The following MAP3K21 variants were observed in gnomAD, a reference collection of about 807,000 sequenced individuals.
The protein encoded by MAP3K21 is mitogen-activated protein kinase kinase kinase 21.
A neutral mutation model predicts 86.1 loss-of-function variants in MAP3K21; 63 were observed. That is an observed-to-expected ratio of 0.73 (90% confidence interval 0.60 to 0.90). The LOEUF is 0.90. Ranked by LOEUF, MAP3K21 falls within the 40% of genes least tolerant of loss-of-function variation. The pLI is 0.00. For synonymous variants in MAP3K21, 558 were observed against 564.8 expected (o/e 0.99, Z 0.17); for missense variants, 1,220 against 1,367.7 (o/e 0.89, Z 1.70).
rs184683904 is a variant in MAP3K21, at chr1:233,364,804, A to C, written c.1552+2511A>C. On this transcript the variant is annotated intron_variant, in intron 5 of 9. Coordinates refer to ENST00000366624, the MANE Select transcript of MAP3K21 (RefSeq NM_032435.3). ...GATTCCAGTTAAAACATAACCAAGA[A>C]ATCTACTGCTATAATCCTGACCCAT... Among the ~76,000 whole-genome samples, 292 of 152,284 alleles carry C rather than the reference A, an allele frequency of 1.9e-3. 1 individual carries two copies. Among genetic ancestry groups the C allele is most frequent in the Non-Finnish European group, 3.3e-3 (225 of 68,022 alleles).
chr1:233,343,507 A>T (rs896849387), intron 1 of MAP3K21, among the ~76,000 whole-genome samples: 9 of 152,214 alleles, frequency 5.9e-5, no homozygotes, highest in African/African-American at 2.2e-4. Context: ...CTCTATTTAG[A>T]TCAGTTAATA....
intron 9 of MAP3K21, among the ~76,000 whole-genome samples, chr1:233,380,453 T>C (rs1455468644): frequency 6.6e-6 from 1 of 152,096 alleles, no homozygotes; most frequent in Non-Finnish European, 1.5e-5. Flanking sequence ...CAGACCCTAT[T>C]CCACATACAG....
intron 5 of MAP3K21, among the ~76,000 whole-genome samples, chr1:233,367,476 G>A (rs1490020635): frequency 6.6e-6 from 1 of 152,182 alleles, no homozygotes; most frequent in African/African-American, 2.4e-5. Context: ...CAGGCCACAG[G>A]CATTTTAACA....
chr1:233,372,072 C>T lies in MAP3K21; in HGVS notation c.1587C>T (p.Pro529=). 1.2e-6 allele frequency: 2 copies of T among 1,614,078 alleles called. No individual in the cohort carries two copies. The highest frequency in any genetic ancestry group is 1.7e-6 in the Non-Finnish European group (2 of 1,179,982). ...FQHKITVQAS[P]NLDKRRSLNS... ...ACAAGATAACCGTGCAGGCCTCTCC[C>T]AACTTGGACAAACGGCGGAGCCTGA... The change falls in exon 6 of 10, where the codon CCC becomes CCT. Residue 529 remains proline, a synonymous_variant. Coordinates refer to ENST00000366624, the MANE Select transcript of MAP3K21 (RefSeq NM_032435.3).
chr1:233,361,039 G>C (rs1663458268), intron 4 of MAP3K21, among the ~76,000 whole-genome samples: 1 of 152,190 alleles, frequency 6.6e-6, no homozygotes, highest in African/African-American at 2.4e-5. Context: ...TTTTATGTGA[G>C]TGCTTGATTT....
intron 1 of MAP3K21, among the ~76,000 whole-genome samples, chr1:233,329,195 A>G (rs12725780): frequency 0.23 from 34,375 of 152,052 alleles, 5,031 homozygotes; most frequent in East Asian, 0.42. Context: ...GGCCTTCTGC[A>G]GATTATATGG....
At chr1:233,345,361 A>G (rs1212934948) in intron 1 of MAP3K21, among the ~76,000 whole-genome samples, 1 of 152,230 alleles carries the variant, frequency 6.6e-6, no homozygotes, top group Admixed American at 6.5e-5. Flanking sequence ...GAATGGATTA[A>G]GAAAGTGTGG....
rs913098391 is a variant in MAP3K21, at chr1:233,328,731, C to T, written c.703C>T (p.His235Tyr). The change falls in exon 1 of 10, where the codon CAC becomes TAC. Residue 235 changes from histidine to tyrosine, a missense_variant. Coordinates refer to ENST00000366624, the MANE Select transcript of MAP3K21 (RefSeq NM_032435.3). This position sits in a 1 kb window ranked among gnomAD's most constrained non-coding sequence, Gnocchi z 8.7. ...CCGCCGCGCGCGCCGCATCCCTCCG[C>T]ACGTGCTGGTCAACTGGGCCGTGCA... ...GPRRARRIPP[H>Y]VLVNWAVQIA... 30 of 1,453,952 alleles carry T rather than the reference C, an allele frequency of 2.1e-5. No individual in the cohort carries two copies. The highest frequency in any genetic ancestry group is 2.6e-5 in the Non-Finnish European group (28 of 1,097,026). The allele number at this position is 1,453,952 out of a possible 1,614,324, so 90.1% of individuals were successfully genotyped here.
intron 5 of MAP3K21, among the ~76,000 whole-genome samples, chr1:233,370,016 A>G (rs1445194337): frequency 6.6e-6 from 1 of 152,186 alleles, no homozygotes; most frequent in Admixed American, 6.5e-5. Flanking sequence ...GGGGAATGAC[A>G]TGTCAGTCAG....
chr1:233,368,766 A>G (rs1156295795), intron 5 of MAP3K21, among the ~76,000 whole-genome samples: 1 of 152,004 alleles, frequency 6.6e-6, no homozygotes, highest in African/African-American at 2.4e-5. Flanking sequence ...TTCCTCAGCA[A>G]CTCACTTCAA....
intron 3 of MAP3K21, among the ~76,000 whole-genome samples, chr1:233,354,207 G>C (rs958612773): frequency 6.6e-6 from 1 of 152,146 alleles, no homozygotes; most frequent in Non-Finnish European, 1.5e-5. Flanking sequence ...CTGAAAAGTA[G>C]TAACATTTTC....
At chr1:233,352,472 C>A (rs1663268574) in intron 2 of MAP3K21, among the ~76,000 whole-genome samples, 1 of 151,820 alleles carries the variant, frequency 6.6e-6, no homozygotes, top group South Asian at 2.1e-4. Context: ...GCTCTGTCAC[C>A]CAGGCTGGAG....
chr1:233,334,108 G>A (rs557370136), intron 1 of MAP3K21, among the ~76,000 whole-genome samples: 17 of 151,306 alleles, frequency 1.1e-4, no homozygotes, highest in East Asian at 3.9e-4. Context: ...CTCGTGATCC[G>A]TCCGCCTCGG....
chr1:233,365,298 G>A (rs1162604026), intron 5 of MAP3K21, among the ~76,000 whole-genome samples: 1 of 152,108 alleles, frequency 6.6e-6, no homozygotes, highest in Admixed American at 6.6e-5. Context: ...GAACCGAAAA[G>A]CTTCTGCACA....
At chr1:233,342,458 T>C (rs1271051250) in intron 1 of MAP3K21, among the ~76,000 whole-genome samples, 1 of 152,240 alleles carries the variant, frequency 6.6e-6, no homozygotes, top group Non-Finnish European at 1.5e-5. Context: ...ATAAGTATCA[T>C]TAACAAAAGA....
chr1:233,379,369 G>A lies in MAP3K21; in HGVS notation c.2363G>A (p.Ser788Asn), dbSNP rs1207436589. 2.5e-6 allele frequency: 4 copies of A among 1,614,094 alleles called. No individual in the cohort carries two copies. In the East Asian group the frequency reaches 6.7e-5, roughly 27 times the overall value. Residue 788 changes from serine (S) to asparagine (N), a missense_variant, in exon 9 of 10, where the codon AGC becomes AAC. By Grantham distance (46) the Ser-to-Asn change is conservative. This residue lies in a region of MAP3K21 where 632 missense variants were observed against 691.3 expected (regional missense o/e 0.91). Transcript: ENST00000366624. ...TSLPSTCGEA[S>N]SPPSLPLSSA... ...CTGCCATCCACCTGTGGGGAGGCCAGCAGCCCACCCTCCCTGCCACTGTCA... is the reference window on the plus strand; with the variant it reads ...CTGCCATCCACCTGTGGGGAGGCCAACAGCCCACCCTCCCTGCCACTGTCA...
In MAP3K21 at chr1:233,382,492, A is replaced by C. The variant is rs1430817383; in HGVS notation, c.2892A>C (p.Ala964=). 2.5e-6 allele frequency: 4 copies of C among 1,614,056 alleles called. No individual in the cohort carries two copies. The highest frequency in any genetic ancestry group is 1.7e-5 in the Admixed American group (1 of 60,006). Residue 964 remains alanine (A), a synonymous_variant, in exon 10 of 10, where the codon GCA becomes GCC. Transcript: ENST00000366624. ...TGCCTCAGGCTTACCCACAGACAGCAGTGTCTCAGCTGGCACAGACTGCCT... is the reference window on the plus strand; with the variant it reads ...TGCCTCAGGCTTACCCACAGACAGCCGTGTCTCAGCTGGCACAGACTGCCT... ...SDLPQAYPQT[A]VSQLAQTACV...
rs1483896921 is a variant in MAP3K21 at position 233,328,339 on chromosome 1, C to T, written c.311C>T (p.Ala104Val). Reference sequence around the variant, plus strand: ...TACGTGGCTCCCTGCCGCCCGGCCGCCAGCCCCGCGCCGCCGCCCTCGCGG... The same window carrying T: ...TACGTGGCTCCCTGCCGCCCGGCCGTCAGCCCCGCGCCGCCGCCCTCGCGG... Reference protein sequence around the residue: ...ANYVAPCRPAASPAPPPSRPS... With the variant: ...ANYVAPCRPAVSPAPPPSRPS... The change falls in exon 1 of 10, where the codon GCC becomes GTC. Residue 104 changes from alanine to valine, a missense_variant. This residue lies in a region of MAP3K21 where 369 missense variants were observed against 385.3 expected (regional missense o/e 0.96). Transcript: ENST00000366624. The surrounding 1 kb of genome is among the most constrained non-coding windows in gnomAD (Gnocchi z 8.7). 11 of 1,470,114 alleles carry T rather than the reference C, an allele frequency of 7.5e-6. No homozygotes were observed. In the African/African-American group the frequency reaches 8.8e-5, roughly 12 times the overall value. The allele number at this position is 1,470,114 out of a possible 1,614,324, so 91.1% of individuals were successfully genotyped here. A position where few individuals can be genotyped will look rare whatever the true frequency, so the allele number is the denominator to read the frequency against.
At chr1:233,371,696 CT>C (rs1209051569) in intron 5 of MAP3K21, among the ~76,000 whole-genome samples, 1 of 151,738 alleles carries the variant, frequency 6.6e-6, no homozygotes, top group Non-Finnish European at 1.5e-5. Context: ...GCAGATAACT[CT>C]TTTTTCCCAG....
Sources: gnomAD v4.1 joint callset for allele counts (sites outside exome capture counted in the v4.1 genomes callset) on GRCh38, gnomAD v4.1.1 for gene constraint, gnomAD v4.1.1 regional missense constraint, Gnocchi (gnomAD v3.1) non-coding constraint, MANE v1.5 for transcripts, NCBI Gene and HGNC (gene_info 2026-07-23, HGNC 2026-07-21) for gene names.